Variants in NRXN1 observed in about 807,000 individuals in gnomAD.
NRXN1 encodes neurexin 1.
NRXN1 carries 39 observed loss-of-function variants against 150.9 expected under a neutral mutation model. The ratio of observed to expected loss-of-function variants is 0.26; its 90% confidence interval spans 0.20 to 0.34. NRXN1 has a LOEUF of 0.34. Ranked by LOEUF, NRXN1 falls within the 10% of genes least tolerant of loss-of-function variation. NRXN1 has a pLI of 1.00. For missense variants in NRXN1, 1,815 were observed against 1,949.9 expected, an observed-to-expected ratio of 0.93 and a Z score of 1.30; for synonymous variants, 924 against 757.0, an observed-to-expected ratio of 1.22 and a Z score of -3.62.
At chr2:50,134,322 A>C (rs2152750970) in intron 18 of NRXN1, among the ~76,000 whole-genome samples, 1 of 151,152 alleles carries the variant, frequency 6.6e-6, no homozygotes, top group South Asian at 2.1e-4. Context: ...GTTTTCCCTC[A>C]CCATATTTCT....
intron 10 of NRXN1, among the ~76,000 whole-genome samples, chr2:50,532,529 A>T (rs1280545079): frequency 6.6e-6 from 1 of 152,268 alleles, no homozygotes; most frequent in African/African-American, 2.4e-5. Flanking sequence ...AGGAACTGTT[A>T]CTTCCTTTTA....
intron 19 of NRXN1, among the ~76,000 whole-genome samples, chr2:50,076,332 T>C (rs182634781): frequency 2.0e-5 from 3 of 152,038 alleles, no homozygotes; most frequent in Non-Finnish European, 2.9e-5. Flanking sequence ...TTAGTGACTA[T>C]TGCAGTTGCA....
intron 15 of NRXN1, among the ~76,000 whole-genome samples, chr2:50,491,168 CATGTTTAAATGTGATTATG>C (rs2091231326): frequency 6.6e-6 from 1 of 152,042 alleles, no homozygotes; most frequent in Non-Finnish European, 1.5e-5. Context: ...AAAGCCTGGG[CATGTTTAAATGTGATTATG>C]ACTTTGAATA....
intron 8 of NRXN1, among the ~76,000 whole-genome samples, chr2:50,584,569 A>C (rs1672792989): frequency 6.6e-6 from 1 of 152,214 alleles, no homozygotes. Flanking sequence ...GGCAAAGAAG[A>C]TAAATATGAT....
At chr2:49,936,696 TAA>T (rs1438932425) in intron 22 of NRXN1, among the ~76,000 whole-genome samples, 1 of 150,844 alleles carries the variant, frequency 6.6e-6, no homozygotes, top group African/African-American at 2.4e-5. Context: ...AGAGCTTTTC[TAA>T]AGTGTAGCAA....
chr2:50,778,452 G>A (rs923926732), intron 5 of NRXN1, among the ~76,000 whole-genome samples: 5 of 152,114 alleles, frequency 3.3e-5, no homozygotes, highest in African/African-American at 1.2e-4. Context: ...CACACTGTTC[G>A]AGAATAACAA....
chr2:50,006,828 C>T (rs982276325), intron 21 of NRXN1, among the ~76,000 whole-genome samples: 2 of 152,094 alleles, frequency 1.3e-5, no homozygotes, highest in African/African-American at 4.8e-5. Context: ...GTTTTGTTTA[C>T]TTCTCTTCCT....
chr2:50,483,288 T>A (rs2104802672), intron 15 of NRXN1, among the ~76,000 whole-genome samples: 1 of 152,222 alleles, frequency 6.6e-6, no homozygotes, highest in South Asian at 2.1e-4. Context: ...TTCCCACTCA[T>A]TTTCTGGAAA....
At chr2:50,878,637 G>A (rs986230873) in intron 5 of NRXN1, among the ~76,000 whole-genome samples, 2 of 151,954 alleles carry the variant, frequency 1.3e-5, no homozygotes, top group African/African-American at 4.8e-5. Flanking sequence ...AATTAAGGAT[G>A]ATGAAGAAGA....
chr2:50,100,831 T>G (rs761830466), intron 18 of NRXN1, among the ~76,000 whole-genome samples: 10 of 152,068 alleles, frequency 6.6e-5, no homozygotes, highest in Non-Finnish European at 1.3e-4. Flanking sequence ...TGTCCTTATG[T>G]GTAAAGAATG....
chr2:50,235,914 T>G lies in NRXN1; in HGVS notation c.3546+875A>C, dbSNP rs2065371529. 3.9e-5 allele frequency among the ~76,000 whole-genome samples: 6 copies of G among 152,190 alleles called. No individual in the cohort carries two copies. The South Asian group carries it at 1.2e-3, about 32-fold the overall frequency. On this transcript the variant is annotated intron_variant, in intron 18 of 22. Coordinates refer to ENST00000401669, the MANE Select transcript of NRXN1 (RefSeq NM_001330078.2). ...CCCTTTAGAAAAGTTTTTGAATATG[T>G]GACACACTACGATTTTTTGGATATA...
intron 19 of NRXN1, among the ~76,000 whole-genome samples, chr2:50,080,308 T>C (rs1697762019): frequency 6.6e-6 from 1 of 152,162 alleles, no homozygotes; most frequent in African/African-American, 2.4e-5. Context: ...TAATCTCTTA[T>C]CATGTCTAAT....
In NRXN1 at chr2:50,520,807, C is replaced by T. The variant is rs553989488; in HGVS notation, c.2374+7818G>A. On this transcript the variant is annotated intron_variant, in intron 12 of 22. Transcript: ENST00000401669. Reference sequence around the variant, plus strand: ...AATGGTCTAACTCCATATTTATCTGCCTATTTCAACACTATTAGGTGAATA... The same window carrying T: ...AATGGTCTAACTCCATATTTATCTGTCTATTTCAACACTATTAGGTGAATA... 8.6e-5 allele frequency among the ~76,000 whole-genome samples: 13 copies of T among 151,968 alleles called. No individual in the cohort carries two copies. In the South Asian group the frequency reaches 1.9e-3, roughly 22 times the overall value.
At chr2:50,856,673 G>A (rs184013013) in intron 5 of NRXN1, among the ~76,000 whole-genome samples, 33 of 151,964 alleles carry the variant, frequency 2.2e-4, no homozygotes, top group Admixed American at 1.1e-3. Context: ...TTTAATTGTC[G>A]TGAAATATGT....
At chr2:49,985,064 C>T (rs549629182) in intron 21 of NRXN1, among the ~76,000 whole-genome samples, 4 of 152,174 alleles carry the variant, frequency 2.6e-5, no homozygotes, top group Non-Finnish European at 5.9e-5. Flanking sequence ...AGCTTTGGCA[C>T]TTAGATTGAG....
intron 5 of NRXN1, among the ~76,000 whole-genome samples, chr2:50,848,171 G>T (rs559280862): frequency 6.6e-6 from 1 of 152,078 alleles, no homozygotes; most frequent in African/African-American, 2.4e-5. Context: ...CCCACAGCCT[G>T]CCAGTCTTTA....
intron 5 of NRXN1, among the ~76,000 whole-genome samples, chr2:50,737,258 T>C (rs915490612): frequency 2.0e-5 from 3 of 152,190 alleles, no homozygotes; most frequent in Admixed American, 1.3e-4. Context: ...GAACCAGTGA[T>C]ATACACTGTG....
rs1667974461 is a variant in NRXN1, at chr2:49,920,319, T to C, written c.*1625A>G. ...TCTTAGTCGAGAGAAAGTGTTTACTTTCCAGAAATGTTCATCATGCACATC... is the reference window on the plus strand; with the variant it reads ...TCTTAGTCGAGAGAAAGTGTTTACTCTCCAGAAATGTTCATCATGCACATC... On this transcript the variant is annotated 3_prime_UTR_variant, in exon 23 of 23. Coordinates refer to ENST00000401669, the MANE Select transcript of NRXN1 (RefSeq NM_001330078.2). 1 of 152,570 alleles carries C rather than the reference T, an allele frequency of 6.6e-6. No individual in the cohort carries two copies. Among genetic ancestry groups the C allele is most frequent in the African/African-American group, 2.4e-5 (1 of 41,436 alleles). 9.5% of individuals were successfully genotyped at this position (152,570 alleles called of 1,614,324 possible). A position where few individuals can be genotyped will look rare whatever the true frequency, so the allele number is the denominator to read the frequency against.
At chr2:50,349,851 T>A (rs1333512394) in intron 17 of NRXN1, among the ~76,000 whole-genome samples, 2 of 152,188 alleles carry the variant, frequency 1.3e-5, no homozygotes, top group South Asian at 4.1e-4. Context: ...CATTGCATTG[T>A]TTTCCAATAC....
Sources: allele counts gnomAD v4.1 joint callset (sites outside exome capture counted in the v4.1 genomes callset), GRCh38; gene constraint gnomAD v4.1.1; transcripts MANE v1.5; gene names NCBI Gene and HGNC (gene_info 2026-07-23, HGNC 2026-07-21).